The following MERTK variants were observed in gnomAD, a reference collection of about 807,000 sequenced individuals.
MERTK encodes the protein MER proto-oncogene, tyrosine kinase, also known as tyrosine-protein kinase Mer.
A neutral mutation model predicts 99.3 loss-of-function variants in MERTK; 69 were observed. That is an observed-to-expected ratio of 0.70 (90% CI 0.57 to 0.85). MERTK has a LOEUF of 0.85. MERTK is among the 40% of genes least tolerant of loss of function. MERTK has a pLI of 0.00. For missense variants in MERTK, 1,125 were observed against 1,249.4 expected, an observed-to-expected ratio of 0.90 and a Z score of 1.50; for synonymous variants, 426 against 467.6, an observed-to-expected ratio of 0.91 and a Z score of 1.15.
At chr2:111,898,926 C>A in intron 1 of MERTK, 130 bp downstream of exon 1, 1 of 968,500 alleles carries the variant, frequency 1.0e-6, no homozygotes, top group South Asian at 1.7e-5. Context: ...ACCCTCCACC[C>A]ACTGCGGTGC....
intron 6 of MERTK, among the ~76,000 whole-genome samples, chr2:111,969,238 A>G (rs1189581953): frequency 1.3e-5 from 2 of 152,204 alleles, no homozygotes; most frequent in African/African-American, 2.4e-5. Flanking sequence ...GCTGCACTGC[A>G]GGCTCAGAGT....
At chr2:111,917,228 A>G (rs80088736) in intron 1 of MERTK, among the ~76,000 whole-genome samples, 37,296 of 152,136 alleles carry the variant, frequency 0.25, 4,868 homozygotes, top group South Asian at 0.32. Context: ...TCCTCACACC[A>G]GTCAGTGGGG....
At chr2:112,017,962 C>G (rs1426997500) in intron 15 of MERTK, among the ~76,000 whole-genome samples, 1 of 152,068 alleles carries the variant, frequency 6.6e-6, no homozygotes, top group African/African-American at 2.4e-5. Context: ...CAATAAAGCC[C>G]AGAAGTAGCA....
intron 15 of MERTK, among the ~76,000 whole-genome samples, chr2:112,011,171 C>T (rs536052225): frequency 2.0e-5 from 3 of 152,260 alleles, no homozygotes; most frequent in South Asian, 4.2e-4. Flanking sequence ...ACTGCATCAG[C>T]GATGGCTCCA....
At chr2:111,993,935 A>G (rs985669455) in intron 8 of MERTK, among the ~76,000 whole-genome samples, 1 of 152,184 alleles carries the variant, frequency 6.6e-6, no homozygotes, top group Non-Finnish European at 1.5e-5. Flanking sequence ...GGGCTTGAGG[A>G]GTCAGGCTTG....
At chr2:112,025,538 C>T (rs1385078483) in intron 18 of MERTK, among the ~76,000 whole-genome samples, 2 of 152,144 alleles carry the variant, frequency 1.3e-5, no homozygotes, top group Non-Finnish European at 2.9e-5. Flanking sequence ...TGTATCCCTC[C>T]CTCCACTGCC....
At chr2:111,920,734 A>G (rs1241957541) in intron 1 of MERTK, among the ~76,000 whole-genome samples, 1 of 152,014 alleles carries the variant, frequency 6.6e-6, no homozygotes, top group Non-Finnish European at 1.5e-5. Flanking sequence ...GCTCACTGCA[A>G]CTTCTGCCTC....
At chr2:111,908,315 T>C (rs1372649689) in intron 1 of MERTK, among the ~76,000 whole-genome samples, 3 of 152,208 alleles carry the variant, frequency 2.0e-5, no homozygotes, top group Non-Finnish European at 4.4e-5. Flanking sequence ...TCCTCTCAGC[T>C]ACTCTTTATA....
In MERTK at chr2:111,898,668, A is replaced by C; in HGVS notation, c.-68A>C. 6.5e-7 allele frequency: 1 copy of C among 1,546,536 alleles called. No individual in the cohort carries two copies. Among genetic ancestry groups the C allele is most frequent in the Non-Finnish European group, 8.8e-7 (1 of 1,138,404 alleles). ...GCTTCGCTGGCGCGCTTGGCCGGCG[A>C]CAGGACAGGTTCGGGACGTCCATCT... On this transcript the variant is annotated 5_prime_UTR_variant, in exon 1 of 19. Transcript: ENST00000295408.
chr2:112,003,375 G>T, intron 12 of MERTK, 188 bp downstream of exon 12: 1 of 491,562 alleles, frequency 2.0e-6, no homozygotes, highest in South Asian at 2.4e-5. Context: ...CACATGAAAA[G>T]ATTCTCTTCA....
At chr2:111,995,840 G>A (rs1432803811) in intron 9 of MERTK, among the ~76,000 whole-genome samples, 1 of 152,098 alleles carries the variant, frequency 6.6e-6, no homozygotes, top group Non-Finnish European at 1.5e-5. Context: ...TGCGCCTGTG[G>A]TCCCAGCTAC....
intron 15 of MERTK, among the ~76,000 whole-genome samples, chr2:112,017,050 T>C (rs1044427045): frequency 7.2e-5 from 11 of 152,200 alleles, no homozygotes; most frequent in Admixed American, 2.0e-4. Flanking sequence ...GCTTCTACAG[T>C]GTGGAAGGGG....
At chr2:111,984,684 C>T (rs1255432172) in intron 8 of MERTK, among the ~76,000 whole-genome samples, 1 of 152,152 alleles carries the variant, frequency 6.6e-6, no homozygotes, top group Non-Finnish European at 1.5e-5. Context: ...TTGAGACTTA[C>T]AGATCATGAT....
chr2:112,023,322 G>A (rs1438083661), intron 18 of MERTK, among the ~76,000 whole-genome samples: 1 of 152,172 alleles, frequency 6.6e-6, no homozygotes, highest in Non-Finnish European at 1.5e-5. Flanking sequence ...GCTGAGGCAG[G>A]AGAATGGCGT....
intron 1 of MERTK, among the ~76,000 whole-genome samples, chr2:111,917,941 T>C (rs1322101716): frequency 6.6e-6 from 1 of 152,046 alleles, no homozygotes; most frequent in African/African-American, 2.4e-5. Flanking sequence ...CTTAACCATT[T>C]GTAAGTGTAG....
intron 2 of MERTK, chr2:111,940,843 CTG>C: frequency 1.1e-6 from 1 of 892,610 alleles, no homozygotes; most frequent in Non-Finnish European, 1.9e-6. Flanking sequence ...GTTAACATCT[CTG>C]AGATACTTTT....
At chr2:111,962,238 T>G (rs1404693495) in intron 4 of MERTK, among the ~76,000 whole-genome samples, 1 of 152,206 alleles carries the variant, frequency 6.6e-6, no homozygotes, top group African/African-American at 2.4e-5. Context: ...TCGGGTGTGG[T>G]GGCTCACACC....
chr2:112,018,867 G>A (rs1044735018), intron 15 of MERTK, among the ~76,000 whole-genome samples: 1 of 152,172 alleles, frequency 6.6e-6, no homozygotes, highest in Non-Finnish European at 1.5e-5. Context: ...TTGGTCCTGT[G>A]ATAATTGGTG....
chr2:112,028,475 A>C lies in MERTK; in HGVS notation c.2611A>C (p.Ile871Leu). 3 of 1,614,196 alleles carry C rather than the reference A, an allele frequency of 1.9e-6. No homozygotes were observed. Among genetic ancestry groups the C allele is most frequent in the Non-Finnish European group, 2.5e-6 (3 of 1,180,036 alleles). Residue 871 changes from isoleucine to leucine, a missense_variant, in exon 19 of 19, where the codon ATT becomes CTT. Physicochemically the swap from Ile to Leu is conservative, Grantham distance 5. Coordinates refer to ENST00000295408, the MANE Select transcript of MERTK (RefSeq NM_006343.3). ...LPDVRNQADV[I>L]YVNTQLLESS... Reference sequence around the variant, plus strand: ...TGACGTTCGGAACCAAGCAGACGTTATTTACGTCAATACACAGTTGCTGGA... The same window carrying C: ...TGACGTTCGGAACCAAGCAGACGTTCTTTACGTCAATACACAGTTGCTGGA...
Sources: gnomAD v4.1 joint callset for allele counts (sites outside exome capture counted in the v4.1 genomes callset) on GRCh38, gnomAD v4.1.1 for gene constraint, MANE v1.5 for transcripts, NCBI Gene and HGNC (gene_info 2026-07-23, HGNC 2026-07-21) for gene names.